Variants in HROB observed in about 807,000 individuals in gnomAD.
HROB encodes the protein homologous recombination factor with OB-fold.
In HROB, 44 loss-of-function variants were observed where a neutral mutation model predicts 61.0. That is an observed-to-expected ratio of 0.72 (90% CI 0.57 to 0.93). HROB has a LOEUF of 0.93. Ranked by LOEUF, HROB falls within the 40% of genes least tolerant of loss-of-function variation. HROB has a pLI of 0.00. For missense variants in HROB, 716 were observed against 796.2 expected (o/e 0.90, Z 1.21); for synonymous variants, 301 against 310.4 (o/e 0.97, Z 0.32).
Position 44,148,623 on chromosome 17 carries a change from C to A in HROB, c.820C>A (p.Pro274Thr). Residue 274 changes from proline to threonine, a missense_variant, in exon 3 of 10, where the codon CCT becomes ACT. By Grantham distance (38) the Pro-to-Thr change is conservative. Coordinates refer to ENST00000585683, the MANE Select transcript of HROB (RefSeq NM_001171251.3). ...LHWEVCPQRS[P>T]VQALQPLQAA... ...CTGGGAAGTCTGTCCGCAACGCTCC[C>A]CTGTTCAAGCACTTCAGCCTCTCCA... 6.2e-7 allele frequency: 1 copy of A among 1,613,648 alleles called. No homozygotes were observed. The highest frequency in any genetic ancestry group is 8.5e-7 in the Non-Finnish European group (1 of 1,180,030).
At chr17:44,158,648 A>ATT (rs34904275) in intron 9 of HROB, among the ~76,000 whole-genome samples, 4 of 143,074 alleles carry the variant, frequency 2.8e-5, no homozygotes, top group Non-Finnish European at 3.0e-5. Flanking sequence ...ATGCCCAGCA[A>ATT]TTTTTTTTTT....
Position 44,156,665 on chromosome 17 carries a change from A to ATT in HROB, c.1771-1166_1771-1165dup, listed in dbSNP as rs755951010. On this transcript the variant is annotated intron_variant, in intron 8 of 9. Transcript: ENST00000585683. ...GTTAACCATTTAATTACCGGTATTT[A>ATT]TTTATTTTTTTTTTTTGAAATGGAG... Among the ~76,000 whole-genome samples the ATT allele has an allele frequency of 7.0e-4, 100 of 143,866 alleles. 2 individuals carry two copies. The highest frequency in any genetic ancestry group is 9.1e-4 in the Non-Finnish European group (59 of 64,958). 94.4% of individuals were successfully genotyped at this position (143,866 alleles called of 152,430 possible). A position where few individuals can be genotyped will look rare whatever the true frequency, so the allele number is the denominator to read the frequency against.
At chr17:44,142,414 C>T (rs1448044604) in intron 1 of HROB, among the ~76,000 whole-genome samples, 3 of 151,990 alleles carry the variant, frequency 2.0e-5, no homozygotes, top group South Asian at 2.1e-4. Context: ...TGCGCTCAGA[C>T]GTCACTACCG....
intron 3 of HROB, 108 bp from the exon 4 acceptor site, chr17:44,150,853 T>C: frequency 1.1e-6 from 1 of 889,938 alleles, no homozygotes; most frequent in Non-Finnish European, 1.8e-6. Flanking sequence ...TATGTGTTAA[T>C]AGTCCCTGAT....
At chr17:44,157,735 G>A in intron 8 of HROB, 98 bp from the exon 9 acceptor site, 1 of 849,628 alleles carries the variant, frequency 1.2e-6, no homozygotes, top group East Asian at 2.8e-5. Context: ...TCTTTCCTGA[G>A]CCCCACACTG....
intron 1 of HROB, among the ~76,000 whole-genome samples, chr17:44,143,019 C>T (rs2053502013): frequency 6.6e-6 from 1 of 152,148 alleles, no homozygotes; most frequent in Non-Finnish European, 1.5e-5. Context: ...TCACTGCAAC[C>T]TCCACTTCCC....
In HROB at chr17:44,151,005, A is replaced by C. The variant is rs560937009; in HGVS notation, c.1269A>C (p.Gln423His). 24 of 1,613,280 alleles carry C rather than the reference A, an allele frequency of 1.5e-5. No individual in the cohort carries two copies. The highest frequency in any genetic ancestry group is 3.6e-4 in the Middle Eastern group (2 of 5,512). ...AGGACATCATGGTTTCCGCGCCCCA[A>C]ACTCCAACCCATGGTGCTCTGGCTA... ...SLEDIMVSAP[Q>H]TPTHGALAKF... The change falls in exon 4 of 10, where the codon CAA (glutamine) becomes CAC (histidine). Residue 423 changes from glutamine (Q) to histidine (H), a missense_variant. Transcript: ENST00000585683.
intron 2 of HROB, among the ~76,000 whole-genome samples, chr17:44,146,324 A>G (rs778401838): frequency 6.6e-6 from 1 of 152,212 alleles, no homozygotes; most frequent in African/African-American, 2.4e-5. Flanking sequence ...TGCTGGGATT[A>G]CAGGTGTGAG....
intron 5 of HROB, 147 bp downstream of exon 5, chr17:44,152,924 C>T: frequency 2.0e-6 from 2 of 1,014,300 alleles, no homozygotes; most frequent in South Asian, 1.7e-5. Flanking sequence ...GTTGTATCTT[C>T]CACTTACCTA....
In HROB at chr17:44,148,750, G is replaced by C. The variant is rs767870258; in HGVS notation, c.947G>C (p.Arg316Thr). 4 of 1,614,058 alleles carry C rather than the reference G, an allele frequency of 2.5e-6. No homozygotes were observed. In the African/African-American group the frequency reaches 5.3e-5, roughly 22 times the overall value. The change falls in exon 3 of 10, where the codon AGA (arginine) becomes ACA (threonine). Residue 316 changes from arginine to threonine, a missense_variant. Transcript: ENST00000585683. ...SWLSGKAHLP[R>T]PRTPNSSCST... Reference sequence around the variant, plus strand: ...TTAAGTGGCAAAGCTCATTTACCCAGACCTCGAACTCCCAACTCAAGCTGT... The same window carrying C: ...TTAAGTGGCAAAGCTCATTTACCCACACCTCGAACTCCCAACTCAAGCTGT...
chr17:44,156,519 C>T (rs2053973575), intron 8 of HROB, among the ~76,000 whole-genome samples: 1 of 151,646 alleles, frequency 6.6e-6, no homozygotes, highest in Non-Finnish European at 1.5e-5. Flanking sequence ...CCACCGTGCT[C>T]GGCCTATTTT....
At chr17:44,147,777 C>A in intron 2 of HROB, 81 bp from the exon 3 acceptor site, 1 of 1,338,174 alleles carries the variant, frequency 7.5e-7, no homozygotes, top group Non-Finnish European at 1.0e-6. Flanking sequence ...CACAAACATA[C>A]ACGCCATGTG....
At chr17:44,154,112 G>T (rs981582472) in intron 5 of HROB, among the ~76,000 whole-genome samples, 3 of 151,880 alleles carry the variant, frequency 2.0e-5, no homozygotes, top group African/African-American at 7.3e-5. Context: ...GGGAGGCCGA[G>T]GTGGGTGGAT....
Position 44,142,083 on chromosome 17 carries a change from C to T in HROB, c.-60C>T. ...ACCTGGGTCGTGTCCAAGGCCCCGG[C>T]GACTCCCCGGACTCGGGGTGCCGGG... On this transcript the variant is annotated 5_prime_UTR_variant, in exon 1 of 10. Coordinates refer to ENST00000585683, the MANE Select transcript of HROB (RefSeq NM_001171251.3). 2 of 1,530,096 alleles carry T rather than the reference C, an allele frequency of 1.3e-6. No individual in the cohort carries two copies. Among genetic ancestry groups the T allele is most frequent in the Admixed American group, 2.0e-5 (1 of 50,686 alleles). The allele number at this position is 1,530,096 out of a possible 1,614,324, so 94.8% of individuals were successfully genotyped here. A position where few individuals can be genotyped will look rare whatever the true frequency, so the allele number is the denominator to read the frequency against.
chr17:44,148,726 T>A lies in HROB; in HGVS notation c.923T>A (p.Leu308Ter). 2 of 1,614,188 alleles carry A rather than the reference T, an allele frequency of 1.2e-6. No individual in the cohort carries two copies. Among genetic ancestry groups the A allele is most frequent in the Non-Finnish European group, 1.7e-6 (2 of 1,180,036 alleles). ...CQPFQSPSSW[L>*]SGKAHLPRPR... Reference sequence around the variant, plus strand: ...CCATTCCAGTCTCCAAGTTCCTGGTTAAGTGGCAAAGCTCATTTACCCAGA... The same window carrying A: ...CCATTCCAGTCTCCAAGTTCCTGGTAAAGTGGCAAAGCTCATTTACCCAGA... The change falls in exon 3 of 10, where the codon TTA becomes TAA. Residue 308 changes from leucine (L) to a stop codon, truncating the protein, a stop_gained. Coordinates refer to ENST00000585683, the MANE Select transcript of HROB (RefSeq NM_001171251.3). LOFTEE classifies it high-confidence loss of function.
chr17:44,146,422 A>C (rs2053612905), intron 2 of HROB, among the ~76,000 whole-genome samples: 1 of 152,084 alleles, frequency 6.6e-6, no homozygotes, highest in Non-Finnish European at 1.5e-5. Context: ...TTTGTCTTTC[A>C]GCTTTGGAGA....
intron 9 of HROB, among the ~76,000 whole-genome samples, chr17:44,161,616 G>A (rs2054142720): frequency 3.9e-5 from 6 of 152,164 alleles, no homozygotes. Flanking sequence ...AGGCTCAGGG[G>A]AATCCTCTTC....
chr17:44,152,865 C>A, intron 5 of HROB, 88 bp downstream of exon 5: 1 of 1,503,320 alleles, frequency 6.7e-7, no homozygotes, highest in Non-Finnish European at 9.0e-7. Context: ...TAGGAAGGGG[C>A]TGTTTGCTCC....
At chr17:44,146,615 G>C (rs892799042) in intron 2 of HROB, among the ~76,000 whole-genome samples, 1 of 152,166 alleles carries the variant, frequency 6.6e-6, no homozygotes, top group South Asian at 2.1e-4. Flanking sequence ...TGTCATGTCT[G>C]AGAGTGAGCT....
Sources: allele counts gnomAD v4.1 joint callset (sites outside exome capture counted in the v4.1 genomes callset), GRCh38; gene constraint gnomAD v4.1.1; transcripts MANE v1.5; gene names NCBI Gene and HGNC (gene_info 2026-07-23, HGNC 2026-07-21).